The following OSBPL9 variants were observed in gnomAD, a reference collection of about 807,000 sequenced individuals.
The protein encoded by OSBPL9 is oxysterol-binding protein-related protein 9.
OSBPL9 carries 40 observed loss-of-function variants against 106.6 expected under a neutral mutation model. That is an observed-to-expected ratio of 0.38 (90% confidence interval 0.29 to 0.49). The LOEUF (loss-of-function observed/expected upper bound fraction) is 0.49, where lower values mean the gene tolerates loss of function less well. Among genes scored for constraint, OSBPL9 ranks in the 20% least tolerant of loss-of-function variants. The pLI is 0.97. For missense variants in OSBPL9, 609 were observed against 887.2 expected (o/e 0.69, Z 3.98); for synonymous variants, 269 against 295.4 (o/e 0.91, Z 0.92).
At position 51,761,098 on chromosome 1, in the gene OSBPL9, C is replaced by A. The variant is rs146122133; in HGVS notation, c.673+318C>A. 2.7e-3 allele frequency among the ~76,000 whole-genome samples: 407 copies of A among 152,214 alleles called. 1 individual carries two copies. The highest frequency in any genetic ancestry group is 9.3e-3 in the African/African-American group (388 of 41,528). Reference sequence around the variant, plus strand: ...TGGCTAGCGAGGAAAAATTACTATACCTTATTCTGGATAATCCAGGGATGT... The same window carrying A: ...TGGCTAGCGAGGAAAAATTACTATAACTTATTCTGGATAATCCAGGGATGT... On this transcript the variant is annotated intron_variant, in intron 10 of 23. Coordinates refer to ENST00000428468, the MANE Select transcript of OSBPL9 (RefSeq NM_024586.6).
In OSBPL9 at chr1:51,745,736, G is replaced by A. The variant is rs1667842452; in HGVS notation, c.414+105G>A. The A allele has an allele frequency of 3.8e-6, 5 of 1,319,046 alleles. No homozygotes were observed. In the African/African-American group the frequency reaches 6.1e-5, roughly 16 times the overall value. 81.7% of individuals were successfully genotyped at this position (1,319,046 alleles called of 1,614,324 possible). On this transcript the variant is annotated intron_variant, in intron 5 of 23. Transcript: ENST00000428468. ...TGATGTTAATTTACAGCCCTCATGT[G>A]GTTCTTCAGCAGTTTTTAAAGCAGA... is the stretch of plus-strand genomic sequence containing the variant.
At chr1:51,700,622 C>A (rs1255525949) in intron 3 of OSBPL9, among the ~76,000 whole-genome samples, 1 of 152,082 alleles carries the variant, frequency 6.6e-6, no homozygotes, top group Non-Finnish European at 1.5e-5. Flanking sequence ...AAACATGATG[C>A]TGTTGTTTCC....
At chr1:51,539,912 G>A in the OSBPL9 span, among the ~76,000 whole-genome samples, 7 of 152,172 alleles carry the variant, frequency 4.6e-5, no homozygotes, top group Non-Finnish European at 8.8e-5. Flanking sequence ...GTGATCTATC[G>A]TCTGCCTGTA....
At chr1:51,609,450 C>G (rs953894734) in intron 2 of OSBPL9, among the ~76,000 whole-genome samples, 12 of 151,238 alleles carry the variant, frequency 7.9e-5, no homozygotes, top group African/African-American at 2.9e-4. Context: ...CTCAAGAGCT[C>G]CTCCAATTTC....
At chr1:51,664,724 A>T (rs971250468) in intron 2 of OSBPL9, among the ~76,000 whole-genome samples, 1 of 152,126 alleles carries the variant, frequency 6.6e-6, no homozygotes, top group Non-Finnish European at 1.5e-5. Flanking sequence ...AAGTTCAAAG[A>T]CAGACTAAAC....
upstream of OSBPL9, among the ~76,000 whole-genome samples, chr1:51,615,088 C>T (rs1240246727): frequency 3.3e-5 from 5 of 152,082 alleles, no homozygotes; most frequent in African/African-American, 9.7e-5. Flanking sequence ...GGTGAAACCT[C>T]GTCTCTACTA....
At chr1:51,584,419 G>A (rs1645236571) in intron 1 of OSBPL9, among the ~76,000 whole-genome samples, 1 of 152,090 alleles carries the variant, frequency 6.6e-6, no homozygotes, top group Non-Finnish European at 1.5e-5. Flanking sequence ...GATTCTAAAG[G>A]CCTTGCATGG....
intron 1 of OSBPL9, among the ~76,000 whole-genome samples, chr1:51,629,298 A>G (rs987381386): frequency 2.0e-5 from 3 of 152,290 alleles, no homozygotes; most frequent in Admixed American, 1.3e-4. Flanking sequence ...TGTAAGTTCC[A>G]TTAGAACAGA....
At chr1:51,552,903 G>A in the OSBPL9 span, among the ~76,000 whole-genome samples, 1 of 151,600 alleles carries the variant, frequency 6.6e-6, no homozygotes, top group Non-Finnish European at 1.5e-5. Context: ...GATTATAGTC[G>A]TGGGCCACCA....
At chr1:51,594,296 A>G (rs541803783) in intron 1 of OSBPL9, among the ~76,000 whole-genome samples, 2 of 152,202 alleles carry the variant, frequency 1.3e-5, no homozygotes, top group Admixed American at 1.3e-4. Context: ...CAGCTACTCA[A>G]GAGGCTGAGG....
chr1:51,587,618 T>A (rs1368533634), intron 1 of OSBPL9, among the ~76,000 whole-genome samples: 2 of 152,242 alleles, frequency 1.3e-5, no homozygotes, highest in African/African-American at 4.8e-5. Flanking sequence ...ACAGGGGTTG[T>A]AAAGTGAAAA....
intron 14 of OSBPL9, among the ~76,000 whole-genome samples, chr1:51,775,468 A>T: frequency 6.6e-6 from 1 of 152,080 alleles, no homozygotes; most frequent in East Asian, 1.9e-4. Flanking sequence ...CCCCAAACAG[A>T]GCATGATCTT....
intron 3 of OSBPL9, among the ~76,000 whole-genome samples, chr1:51,695,327 C>G (rs1251916004): frequency 6.6e-6 from 1 of 152,182 alleles, no homozygotes; most frequent in Non-Finnish European, 1.5e-5. Flanking sequence ...CACCATTGTT[C>G]TTACAGCATC....
chr1:51,618,796 G>T (rs1644245411), intron 1 of OSBPL9, among the ~76,000 whole-genome samples: 1 of 152,128 alleles, frequency 6.6e-6, no homozygotes, highest in Non-Finnish European at 1.5e-5. Context: ...GAGGCTCCAG[G>T]CTTTTAAAGC....
chr1:51,643,702 TGATCA>T lies in OSBPL9; in HGVS notation c.112-8285_112-8281del, dbSNP rs1645957115. On this transcript the variant is annotated intron_variant, in intron 1 of 23. Coordinates refer to ENST00000428468, the MANE Select transcript of OSBPL9 (RefSeq NM_024586.6). ...TTGTTTTTTAATCGAAGAAGTAACC[TGATCA>T]GATTCATGTTTTGAAAAGACTCCTG... Among the ~76,000 whole-genome samples, 7 of 152,200 alleles carry T rather than the reference TGATCA, an allele frequency of 4.6e-5. No individual in the cohort carries two copies. In the South Asian group the frequency reaches 1.5e-3, roughly 32 times the overall value.
chr1:51,554,095 G>A, the OSBPL9 span, among the ~76,000 whole-genome samples: 1 of 152,234 alleles, frequency 6.6e-6, no homozygotes, highest in African/African-American at 2.4e-5. Context: ...GTTTGAAGCA[G>A]CAGTGAGTCA....
chr1:51,535,981 G>C, the OSBPL9 span, among the ~76,000 whole-genome samples: 1 of 151,936 alleles, frequency 6.6e-6, no homozygotes, highest in African/African-American at 2.4e-5. Context: ...GTGGGCATAT[G>C]CCTACATGCA....
intron 2 of OSBPL9, among the ~76,000 whole-genome samples, chr1:51,663,656 C>T (rs961064812): frequency 2.0e-5 from 3 of 152,110 alleles, no homozygotes; most frequent in African/African-American, 7.2e-5. Flanking sequence ...CACTGTCCTA[C>T]ATTAAAGTTA....
At chr1:51,697,453 C>CTTTTTT (rs759965779) in intron 3 of OSBPL9, among the ~76,000 whole-genome samples, 19 of 103,146 alleles carry the variant, frequency 1.8e-4, no homozygotes, top group African/African-American at 3.6e-4. Context: ...ATAGGGGTTA[C>CTTTTTT]TTTTTTTTTT....
Sources: gnomAD v4.1 joint callset for allele counts (sites outside exome capture counted in the v4.1 genomes callset) on GRCh38, gnomAD v4.1.1 for gene constraint, MANE v1.5 for transcripts, NCBI Gene and HGNC (gene_info 2026-07-23, HGNC 2026-07-21) for gene names.